Variants in DLG2 observed in about 807,000 individuals in gnomAD.
The protein encoded by DLG2 is discs large MAGUK scaffold protein 2, also known as disks large homolog 2.
In DLG2, 45 loss-of-function variants were observed where a neutral mutation model predicts 132.5. That is an observed-to-expected ratio of 0.34 (90% CI 0.27 to 0.44). DLG2 has a LOEUF of 0.44. Among genes scored for constraint, DLG2 ranks in the 20% least tolerant of loss-of-function variants. The pLI is 1.00. For missense variants in DLG2, 1,045 were observed against 1,196.9 expected (o/e 0.87, Z 1.87); for synonymous variants, 424 against 419.6 (o/e 1.01, Z -0.13).
chr11:85,352,713 C>G (rs2083388953), intron 3 of DLG2, among the ~76,000 whole-genome samples: 1 of 152,080 alleles, frequency 6.6e-6, no homozygotes, highest in Non-Finnish European at 1.5e-5. Flanking sequence ...CTTTGACAAA[C>G]CTGACAAAAA....
intron 3 of DLG2, among the ~76,000 whole-genome samples, chr11:85,482,375 G>T (rs935754812): frequency 6.6e-6 from 1 of 152,164 alleles, no homozygotes; most frequent in East Asian, 1.9e-4. Context: ...GGCCTTCCCA[G>T]TGCAAGGCCA....
chr11:84,213,818 CAAAAAAA>C (rs35761640), intron 8 of DLG2, among the ~76,000 whole-genome samples: 3 of 46,564 alleles, frequency 6.4e-5, no homozygotes, highest in Non-Finnish European at 1.7e-4. Flanking sequence ...GACTCCGTCT[CAAAAAAA>C]AAAAAAAAAA....
chr11:85,266,266 C>T (rs2077205142), intron 4 of DLG2, among the ~76,000 whole-genome samples: 1 of 152,202 alleles, frequency 6.6e-6, no homozygotes. Flanking sequence ...GTGATCCCTC[C>T]CATGTGCGGT....
At chr11:85,607,615 T>C (rs959214262) in intron 2 of DLG2, among the ~76,000 whole-genome samples, 6 of 152,206 alleles carry the variant, frequency 3.9e-5, no homozygotes, top group African/African-American at 1.4e-4. Flanking sequence ...TGTTACCTTC[T>C]TTTGGCACCT....
Position 84,845,765 on chromosome 11 carries a change from C to T in DLG2, c.357+265896G>A, listed in dbSNP as rs925376363. On this transcript the variant is annotated intron_variant, in intron 6 of 27. Transcript: ENST00000376104. ...GCCAATCTCAGCTCACTGCAACCTT[C>T]ACCTCTTGGGTTCAGGTGATATCCC... Among the ~76,000 whole-genome samples, 4 of 151,042 alleles carry T rather than the reference C, an allele frequency of 2.6e-5. No individual in the cohort carries two copies. In the East Asian group the frequency reaches 7.8e-4, roughly 30 times the overall value.
intron 6 of DLG2, among the ~76,000 whole-genome samples, chr11:84,758,948 G>C (rs1263484069): frequency 2.0e-5 from 3 of 152,102 alleles, no homozygotes; most frequent in Non-Finnish European, 2.9e-5. Flanking sequence ...TGGGATCTCA[G>C]CTCACTGAAA....
intron 7 of DLG2, among the ~76,000 whole-genome samples, chr11:84,328,500 G>A (rs923354589): frequency 6.6e-6 from 1 of 152,182 alleles, no homozygotes; most frequent in Non-Finnish European, 1.5e-5. Context: ...CCTTGAAGTA[G>A]AGTGCCTGGC....
At chr11:84,068,902 G>A (rs2096716730) in intron 10 of DLG2, among the ~76,000 whole-genome samples, 1 of 151,788 alleles carries the variant, frequency 6.6e-6, no homozygotes, top group Non-Finnish European at 1.5e-5. Context: ...TGATGTCTAG[G>A]AAATCTCAAA....
intron 6 of DLG2, among the ~76,000 whole-genome samples, chr11:84,864,021 T>G (rs1021738786): frequency 1.3e-5 from 2 of 152,208 alleles, no homozygotes; most frequent in African/African-American, 4.8e-5. Flanking sequence ...TTTAATGAAA[T>G]AGGCTACTAC....
chr11:84,946,863 T>C (rs575885107), intron 6 of DLG2, among the ~76,000 whole-genome samples: 1 of 152,278 alleles, frequency 6.6e-6, no homozygotes, highest in African/African-American at 2.4e-5. Context: ...TAGCATGCAA[T>C]GGTGGTGCTA....
intron 19 of DLG2, among the ~76,000 whole-genome samples, chr11:83,583,881 GTTTTGACACATCTA>G (rs1392454849): frequency 1.3e-5 from 2 of 152,202 alleles, no homozygotes; most frequent in Non-Finnish European, 2.9e-5. Context: ...TGTATCAGAT[GTTTTGACACATCTA>G]TTTCTTAATC....
chr11:83,492,294 C>T (rs7948039), intron 21 of DLG2, among the ~76,000 whole-genome samples: 7,170 of 152,028 alleles, frequency 0.047, 579 homozygotes, highest in African/African-American at 0.16. Flanking sequence ...AACTCTGGTA[C>T]ACCTCCACAT....
At chr11:85,615,448 C>A (rs1441453686) in intron 2 of DLG2, among the ~76,000 whole-genome samples, 1 of 151,858 alleles carries the variant, frequency 6.6e-6, no homozygotes, top group Non-Finnish European at 1.5e-5. Flanking sequence ...ACCCAGAAAG[C>A]AGAGGTTGCA....
chr11:83,986,194 A>T (rs2093288159), intron 11 of DLG2, among the ~76,000 whole-genome samples: 1 of 150,868 alleles, frequency 6.6e-6, no homozygotes, highest in African/African-American at 2.4e-5. Context: ...TATCTCCTAA[A>T]GCTATCCCTC....
intron 6 of DLG2, among the ~76,000 whole-genome samples, chr11:84,856,904 A>C (rs2082861276): frequency 6.6e-6 from 1 of 152,028 alleles, no homozygotes; most frequent in African/African-American, 2.4e-5. Flanking sequence ...TAATATAAAC[A>C]AGTAATATGA....
At chr11:84,829,955 G>A (rs2078820109) in intron 6 of DLG2, among the ~76,000 whole-genome samples, 1 of 151,592 alleles carries the variant, frequency 6.6e-6, no homozygotes, top group Admixed American at 6.6e-5. Flanking sequence ...TTGAGGCAGA[G>A]AGTTTAAGTC....
intron 6 of DLG2, among the ~76,000 whole-genome samples, chr11:84,736,048 T>C (rs1191134400): frequency 6.6e-6 from 1 of 152,026 alleles, no homozygotes; most frequent in East Asian, 1.9e-4. Flanking sequence ...TTTTGAGCAA[T>C]GATCAATTTT....
chr11:85,610,592 C>G (rs893141159), intron 2 of DLG2, among the ~76,000 whole-genome samples: 3 of 152,196 alleles, frequency 2.0e-5, no homozygotes, highest in Non-Finnish European at 4.4e-5. Flanking sequence ...TAGGCCACTT[C>G]TCAAGTTCAG....
At chr11:83,816,002 C>A (rs1326779164) in intron 17 of DLG2, among the ~76,000 whole-genome samples, 1 of 152,134 alleles carries the variant, frequency 6.6e-6, no homozygotes, top group Non-Finnish European at 1.5e-5. Flanking sequence ...GCTTAAGCAT[C>A]ACTGTGTCTA....
Sources: allele counts gnomAD v4.1 joint callset (sites outside exome capture counted in the v4.1 genomes callset), GRCh38; gene constraint gnomAD v4.1.1; transcripts MANE v1.5; gene names NCBI Gene and HGNC (gene_info 2026-07-23, HGNC 2026-07-21).